Variants in FBN2 observed in about 807,000 individuals in gnomAD.
The protein encoded by FBN2 is fibrillin 2, also known as fibrillin-2.
FBN2 carries 105 observed loss-of-function variants against 355.6 expected under a neutral mutation model. The ratio of observed to expected loss-of-function variants is 0.30; its 90% CI spans 0.25 to 0.35. The LOEUF (loss-of-function observed/expected upper bound fraction) is 0.35. Ranked by LOEUF, FBN2 falls within the 10% of genes least tolerant of loss-of-function variation. FBN2 has a pLI of 1.00. For synonymous variants in FBN2, 1,350 were observed against 1,301.2 expected, an observed-to-expected ratio of 1.04 and a Z score of -0.81; for missense variants, 3,280 against 3,758.7, an observed-to-expected ratio of 0.87 and a Z score of 3.33.
intron 36 of FBN2, among the ~76,000 whole-genome samples, chr5:128,316,595 T>C (rs984251035): frequency 7.9e-5 from 12 of 152,208 alleles, no homozygotes; most frequent in Non-Finnish European, 1.5e-4. Context: ...TTATCTGCAG[T>C]GCTGCCCTGG....
Position 128,378,883 on chromosome 5 carries a change from A to G in FBN2, c.1611T>C (p.Asp537=). Residue 537 remains aspartate (D), a synonymous_variant, in exon 12 of 65, where the codon GAT becomes GAC. Transcript: ENST00000262464. ...TAGTGCAGGGATTTGATGTGCATTC[A>G]TCAACATCTGTGAGCAGCAAAAGAA... The part of the protein sequence containing the change: ...QDANGDCIDV[D]ECTSNPCTNG... 6.2e-7 allele frequency: 1 copy of G among 1,613,130 alleles called. No homozygotes were observed. Among genetic ancestry groups the G allele is most frequent in the South Asian group, 1.1e-5 (1 of 91,076 alleles).
chr5:128,431,369 C>A (rs544082117), intron 7 of FBN2, among the ~76,000 whole-genome samples: 1 of 152,310 alleles, frequency 6.6e-6, no homozygotes, highest in African/African-American at 2.4e-5. Context: ...TGAAACCATG[C>A]ATGGTACTGA....
chr5:128,327,471 G>A (rs1200131047), intron 34 of FBN2, among the ~76,000 whole-genome samples: 2 of 152,066 alleles, frequency 1.3e-5, no homozygotes, highest in African/African-American at 2.4e-5. Flanking sequence ...GTGTGTGCAC[G>A]TGTGCCAGTA....
rs552464955 is a variant in FBN2, at chr5:128,356,433, C to A, written c.2674+843G>T. Reference sequence around the variant, plus strand: ...ATATGAAACTAAAGATTCATTTTGGCTAGATAATAAAAACTGCCAGTTAAT... The same window carrying A: ...ATATGAAACTAAAGATTCATTTTGGATAGATAATAAAAACTGCCAGTTAAT... On this transcript the variant is annotated intron_variant, in intron 20 of 64. Coordinates refer to ENST00000262464, the MANE Select transcript of FBN2 (RefSeq NM_001999.4). Among the ~76,000 whole-genome samples, 74 of 152,258 alleles carry A rather than the reference C, an allele frequency of 4.9e-4. No homozygotes were observed. The South Asian group carries it at 5.4e-3, about 11-fold the overall frequency.
At chr5:128,391,709 T>G (rs948418573) in intron 11 of FBN2, among the ~76,000 whole-genome samples, 1 of 152,178 alleles carries the variant, frequency 6.6e-6, no homozygotes, top group African/African-American at 2.4e-5. Flanking sequence ...TAAAATATAT[T>G]CATTGTTACA....
intron 8 of FBN2, 49 bp downstream of exon 8, chr5:128,408,625 T>C (rs1184004501): frequency 6.2e-7 from 1 of 1,611,802 alleles, no homozygotes; most frequent in African/African-American, 1.3e-5. Flanking sequence ...TGGGCTGTTT[T>C]GTCATTATAA....
intron 7 of FBN2, chr5:128,442,181 T>A: frequency 2.7e-6 from 1 of 377,140 alleles, no homozygotes; most frequent in Non-Finnish European, 5.2e-6. Flanking sequence ...CTCTTCAAAC[T>A]AAATTGCAAA....
chr5:128,534,723 A>G (rs557246987), intron 2 of FBN2, among the ~76,000 whole-genome samples: 1 of 152,332 alleles, frequency 6.6e-6, no homozygotes, highest in Admixed American at 6.5e-5. Context: ...CAGTGGGGCC[A>G]TACATATATT....
At chr5:128,369,919 C>A (rs951275037) in intron 15 of FBN2, among the ~76,000 whole-genome samples, 1 of 152,128 alleles carries the variant, frequency 6.6e-6, no homozygotes, top group African/African-American at 2.4e-5. Flanking sequence ...GCATTGTGCT[C>A]GTTGCTTTAC....
chr5:128,426,007 G>C (rs531855779), intron 7 of FBN2, among the ~76,000 whole-genome samples: 6 of 152,266 alleles, frequency 3.9e-5, no homozygotes. Context: ...TCCTGTACGT[G>C]TGAAGGTGTG....
intron 23 of FBN2, among the ~76,000 whole-genome samples, chr5:128,346,455 ACTGT>A (rs1751184210): frequency 6.6e-6 from 1 of 152,228 alleles, no homozygotes; most frequent in Admixed American, 6.5e-5. Context: ...GAAGCTGAAA[ACTGT>A]CTAACGGAGG....
intron 32 of FBN2, 36 bp from the exon 33 acceptor site, chr5:128,330,731 T>C (rs1045237950): frequency 4.3e-6 from 7 of 1,612,080 alleles, no homozygotes; most frequent in Non-Finnish European, 5.9e-6. Flanking sequence ...GAAATGAAAA[T>C]GGAACATTTA....
Position 128,259,429 on chromosome 5 carries a change from G to A in FBN2, c.*26C>T, listed in dbSNP as rs1382827472. ...CTGCAGACTGGCTGTGCTAGGATTT[G>A]AGCCTGGGCCCAAGTCTGTGAAGGG... On this transcript the variant is annotated 3_prime_UTR_variant, in exon 65 of 65. Transcript: ENST00000262464. 6.2e-7 allele frequency: 1 copy of A among 1,612,330 alleles called. No individual in the cohort carries two copies. Among genetic ancestry groups the A allele is most frequent in the South Asian group, 1.1e-5 (1 of 90,996 alleles).
At position 128,458,051 on chromosome 5, in the gene FBN2, C is replaced by G. The variant is rs368784905; in HGVS notation, c.826+6673G>C. 2.6e-5 allele frequency among the ~76,000 whole-genome samples: 4 copies of G among 151,946 alleles called. No individual in the cohort carries two copies. The South Asian group carries it at 8.3e-4, about 32-fold the overall frequency. On this transcript the variant is annotated intron_variant, in intron 6 of 64. Transcript: ENST00000262464. ...TAAGCTGTCAAGACCCATCGGTGTG[C>G]GTGTGCTGTACTAAGGAAACCCGTC...
In FBN2 at chr5:128,444,684, A is replaced by G. The variant is rs370899682; in HGVS notation, c.952+1797T>C. Among the ~76,000 whole-genome samples, 14 of 152,320 alleles carry G rather than the reference A, an allele frequency of 9.2e-5. No homozygotes were observed. In the South Asian group the frequency reaches 1.2e-3, roughly 14 times the overall value. ...TCAATGTCCCTCTTTCCTAAAGAAC[A>G]TAGGCAAGTGGTGAATAAAGACTTG... On this transcript the variant is annotated intron_variant, in intron 7 of 64. Coordinates refer to ENST00000262464, the MANE Select transcript of FBN2 (RefSeq NM_001999.4).
At position 128,277,951 on chromosome 5, in the gene FBN2, T is replaced by C. The variant is rs562508529; in HGVS notation, c.7400A>G (p.Asn2467Ser). ...PNLCTNGQCI[N>S]TMGSFRCFCK... Reference sequence around the variant, plus strand: ...GAAGCATCGGAATGAGCCCATGGTATTGATGCACTGACCATTGGTGCAGAG... The same window carrying C: ...GAAGCATCGGAATGAGCCCATGGTACTGATGCACTGACCATTGGTGCAGAG... Residue 2467 changes from asparagine (N) to serine (S), a missense_variant, in exon 58 of 65, where the codon AAT (asparagine) becomes AGT (serine). Physicochemically the swap from Asn to Ser is conservative, Grantham distance 46. This residue lies in a region of FBN2 where 2,284 missense variants were observed against 2,749.5 expected (regional missense o/e 0.83). Coordinates refer to ENST00000262464, the MANE Select transcript of FBN2 (RefSeq NM_001999.4). 43 of 1,613,930 alleles carry C rather than the reference T, an allele frequency of 2.7e-5. No homozygotes were observed. Among genetic ancestry groups the C allele is most frequent in the Admixed American group, 5.0e-5 (3 of 60,006 alleles).
In FBN2 at chr5:128,349,994, G is replaced by C. The variant is rs2126920786; in HGVS notation, c.2824C>G (p.Pro942Ala). The change falls in exon 22 of 65, where the codon CCA (proline) becomes GCA (alanine). Residue 942 changes from proline to alanine, a missense_variant. Physicochemically the swap from Pro to Ala is conservative, Grantham distance 27. This residue lies in a region of FBN2 where 2,284 missense variants were observed against 2,749.5 expected (regional missense o/e 0.83). Transcript: ENST00000262464. ...CERCELDTAC[P>A]RGLARIKGVT... ...CCTTTAATCCTGGCAAGCCCTCTTG[G>C]GCAAGCTGTATCTGTAACAACAACA... The C allele has an allele frequency of 6.2e-7, 1 of 1,613,738 alleles. No homozygotes were observed. The highest frequency in any genetic ancestry group is 8.5e-7 in the Non-Finnish European group (1 of 1,179,672).
intron 6 of FBN2, among the ~76,000 whole-genome samples, chr5:128,463,110 A>G (rs1190141077): frequency 1.3e-5 from 2 of 152,116 alleles, no homozygotes; most frequent in African/African-American, 4.8e-5. Context: ...TAGTAAATCA[A>G]TATAGTAGAG....
intron 8 of FBN2, among the ~76,000 whole-genome samples, chr5:128,395,768 G>A (rs1024733073): frequency 1.3e-5 from 2 of 152,216 alleles, no homozygotes; most frequent in Non-Finnish European, 2.9e-5. Context: ...TGTGAAGAAA[G>A]ATGGGCCACT....
Sources: allele counts gnomAD v4.1 joint callset (sites outside exome capture counted in the v4.1 genomes callset), GRCh38; gene constraint gnomAD v4.1.1; regional missense constraint gnomAD v4.1.1; transcripts MANE v1.5; gene names NCBI Gene and HGNC (gene_info 2026-07-23, HGNC 2026-07-21).